ABAT: variants seen among roughly 807,000 people sequenced by gnomAD.
ABAT encodes 4-aminobutyrate aminotransferase, mitochondrial.
In ABAT, 45 loss-of-function variants were observed where a neutral mutation model predicts 64.6. The ratio of observed to expected loss-of-function variants is 0.70; its 90% confidence interval spans 0.55 to 0.89. The LOEUF is 0.89. ABAT is among the 40% of genes least tolerant of loss of function. The pLI is 0.00. For synonymous variants in ABAT, 297 were observed against 250.5 expected (o/e 1.19, Z -1.75); for missense variants, 633 against 658.4 (o/e 0.96, Z 0.42).
chr16:8,768,130 G>A (rs1436469189), intron 9 of ABAT, 63 bp from the exon 10 acceptor site: 22 of 1,541,064 alleles, frequency 1.4e-5, no homozygotes, highest in Non-Finnish European at 1.7e-5. Flanking sequence ...GACTTGCAGG[G>A]GCAACAATAC....
chr16:8,746,048 G>C lies in ABAT; in HGVS notation c.118G>C (p.Asp40His). ...TGCAGCCAAAGTCGACGTTGAATTT[G>C]ATTATGATGGGCCTCTGATGAAGAC... is the stretch of plus-strand genomic sequence containing the variant. The part of the protein sequence containing the change: ...QAAAKVDVEF[D>H]YDGPLMKTEV... The change falls in exon 3 of 16, where the codon GAT (aspartate) becomes CAT (histidine). Residue 40 changes from aspartate to histidine, a missense_variant. Coordinates refer to ENST00000268251, the MANE Select transcript of ABAT (RefSeq NM_020686.6). 1.2e-6 allele frequency: 2 copies of C among 1,614,034 alleles called. No individual in the cohort carries two copies. The highest frequency in any genetic ancestry group is 1.7e-6 in the Non-Finnish European group (2 of 1,179,996).
chr16:8,687,286 AG>A (rs2057477138), intron 1 of ABAT, among the ~76,000 whole-genome samples: 1 of 152,142 alleles, frequency 6.6e-6, no homozygotes, highest in South Asian at 2.1e-4. Context: ...GCACTTTGGG[AG>A]GCTGAGGCGG....
At chr16:8,736,008 TTTA>T (rs2058918059) in intron 2 of ABAT, 199 bp downstream of exon 2, 2 of 580,172 alleles carry the variant, frequency 3.4e-6, no homozygotes, top group Non-Finnish European at 3.1e-6. Flanking sequence ...GAAAAAGAGG[TTTA>T]ATGGTCTCAC....
At chr16:8,772,747 C>A (rs777748249) in intron 11 of ABAT, 33 bp from the exon 12 acceptor site, 1 of 1,613,894 alleles carries the variant, frequency 6.2e-7, no homozygotes, top group South Asian at 1.1e-5. Flanking sequence ...CAAGCCTCTG[C>A]CATCGGTGGT....
At chr16:8,717,942 C>G (rs1246473718) in intron 1 of ABAT, among the ~76,000 whole-genome samples, 1 of 152,020 alleles carries the variant, frequency 6.6e-6, no homozygotes, top group Non-Finnish European at 1.5e-5. Flanking sequence ...CATCAGGTCC[C>G]AGGTCACCTC....
At chr16:8,743,523 A>G (rs1177756339) in intron 2 of ABAT, among the ~76,000 whole-genome samples, 1 of 142,066 alleles carries the variant, frequency 7.0e-6, no homozygotes. Context: ...GTTATAGTAT[A>G]TAATATGTAT....
At chr16:8,690,011 A>G (rs2057544106) in intron 1 of ABAT, among the ~76,000 whole-genome samples, 1 of 152,232 alleles carries the variant, frequency 6.6e-6, no homozygotes, top group Non-Finnish European at 1.5e-5. Context: ...GGTAGTTCCA[A>G]GAGCCTTTTC....
intron 1 of ABAT, among the ~76,000 whole-genome samples, chr16:8,677,417 C>A (rs191655728): frequency 1.3e-5 from 2 of 152,260 alleles, no homozygotes; most frequent in East Asian, 3.9e-4. Flanking sequence ...AGAGAGTTGG[C>A]CACTGGTAGT....
At chr16:8,717,263 C>T (rs2058240390) in intron 1 of ABAT, among the ~76,000 whole-genome samples, 1 of 152,104 alleles carries the variant, frequency 6.6e-6, no homozygotes, top group African/African-American at 2.4e-5. Context: ...GCACTTCAGC[C>T]TGGGCAACAA....
At chr16:8,723,366 G>A (rs939917811) in intron 1 of ABAT, among the ~76,000 whole-genome samples, 1 of 152,166 alleles carries the variant, frequency 6.6e-6, no homozygotes. Flanking sequence ...GGAACCCTGG[G>A]CACCCAGCTC....
chr16:8,699,226 A>G (rs2057766826), intron 1 of ABAT, among the ~76,000 whole-genome samples: 1 of 152,148 alleles, frequency 6.6e-6, no homozygotes, highest in African/African-American at 2.4e-5. Flanking sequence ...CAGAGGGAAG[A>G]GATTGGGGAG....
intron 4 of ABAT, 114 bp from the exon 5 acceptor site, chr16:8,750,308 G>T (rs542439567): frequency 5.3e-6 from 5 of 945,418 alleles, no homozygotes; most frequent in South Asian, 5.2e-5. Flanking sequence ...AGATGCCTCT[G>T]TGTGTCCACA....
In ABAT at chr16:8,776,306, T is replaced by C. The variant is rs375796146; in HGVS notation, c.1123-38T>C. On this transcript the variant is annotated intron_variant, in intron 13 of 15. Coordinates refer to ENST00000268251, the MANE Select transcript of ABAT (RefSeq NM_020686.6). The surrounding 1 kb of genome is among the most constrained non-coding windows in gnomAD (Gnocchi z 4.4). ...GTAAGTGACTCCTGCAGGGTGTGCATGTGTGTGAAGCCTTCCAACACCCGT... is the reference window on the plus strand; with the variant it reads ...GTAAGTGACTCCTGCAGGGTGTGCACGTGTGTGAAGCCTTCCAACACCCGT... The C allele has an allele frequency of 2.3e-5, 37 of 1,613,804 alleles. No homozygotes were observed. In the African/African-American group the frequency reaches 4.3e-4, roughly 19 times the overall value.
At chr16:8,687,192 G>A (rs576944425) in intron 1 of ABAT, among the ~76,000 whole-genome samples, 3 of 152,278 alleles carry the variant, frequency 2.0e-5, no homozygotes, top group African/African-American at 7.2e-5. Context: ...GCACTTGGCC[G>A]CCTGCCCTCC....
chr16:8,704,093 T>C (rs991994499), intron 1 of ABAT, among the ~76,000 whole-genome samples: 1 of 152,212 alleles, frequency 6.6e-6, no homozygotes, highest in African/African-American at 2.4e-5. Context: ...AAGTTTCCCT[T>C]TGTGTCAACT....
intron 5 of ABAT, among the ~76,000 whole-genome samples, chr16:8,751,104 A>G (rs1192966834): frequency 6.6e-6 from 1 of 152,004 alleles, no homozygotes; most frequent in Non-Finnish European, 1.5e-5. Context: ...ACACGCCACC[A>G]TGCCTATCTA....
Position 8,764,811 on chromosome 16 carries a change from C to T in ABAT, c.521C>T (p.Thr174Ile), listed in dbSNP as rs745824946. 6.2e-7 allele frequency: 1 copy of T among 1,613,910 alleles called. No homozygotes were observed. The highest frequency in any genetic ancestry group is 8.5e-7 in the Non-Finnish European group (1 of 1,179,980). Residue 174 changes from threonine to isoleucine, a missense_variant, in exon 8 of 16, where the codon ACC (threonine) becomes ATC (isoleucine). Coordinates refer to ENST00000268251, the MANE Select transcript of ABAT (RefSeq NM_020686.6). This position sits in a 1 kb window ranked among gnomAD's most constrained non-coding sequence, Gnocchi z 4.2. ...GSCSNENALK[T>I]IFMWYRSKER... is the part of the protein sequence containing the mutation. The stretch of plus-strand genomic sequence containing the variant: ...TGCTCCAATGAAAACGCCTTAAAGA[C>T]CATCTTCATGTGGTACCGGGTGAGG...
chr16:8,763,991 C>A, intron 6 of ABAT, 78 bp from the exon 7 acceptor site: 1 of 1,200,088 alleles, frequency 8.3e-7, no homozygotes, highest in Non-Finnish European at 1.2e-6. Flanking sequence ...AACACAGGGG[C>A]TATGAAAAGC....
At chr16:8,738,542 C>G in intron 2 of ABAT, 1 of 430,818 alleles carries the variant, frequency 2.3e-6, no homozygotes, top group Non-Finnish European at 4.6e-6. Flanking sequence ...TCTTCTCGAC[C>G]TGGGTGGTTT....
Sources: allele counts gnomAD v4.1 joint callset (sites outside exome capture counted in the v4.1 genomes callset), GRCh38; gene constraint gnomAD v4.1.1; non-coding constraint Gnocchi (gnomAD v3.1); transcripts MANE v1.5; gene names NCBI Gene and HGNC (gene_info 2026-07-23, HGNC 2026-07-21).